SASH1: variants seen among roughly 807,000 people sequenced by gnomAD.
SASH1 encodes SAM and SH3 domain containing 1.
SASH1 carries 44 observed loss-of-function variants against 125.2 expected under a neutral mutation model. The ratio of observed to expected loss-of-function variants is 0.35; its 90% confidence interval spans 0.28 to 0.45. The LOEUF (loss-of-function observed/expected upper bound fraction) is 0.45, where lower values mean the gene tolerates loss of function less well. Among genes scored for constraint, SASH1 ranks in the 20% least tolerant of loss-of-function variants. The pLI is 1.00. For missense variants in SASH1, 1,426 were observed against 1,614.5 expected (o/e 0.88, Z 2.00); for synonymous variants, 639 against 649.1 (o/e 0.98, Z 0.24).
intron 1 of SASH1, among the ~76,000 whole-genome samples, chr6:148,381,796 G>A (rs1182897959): frequency 6.6e-6 from 1 of 150,720 alleles, no homozygotes; most frequent in African/African-American, 2.4e-5. Flanking sequence ...GCCCAGCTAA[G>A]TTTTGTAATT....
chr6:148,307,053 TTTCTTTCTTTC>T (rs2128516624), intron 1 of SASH1, among the ~76,000 whole-genome samples: 1 of 142,088 alleles, frequency 7.0e-6, no homozygotes, highest in Admixed American at 7.1e-5. Flanking sequence ...TCTTTCTTTC[TTTCTTTCTTTC>T]TTTCTTTCTT....
chr6:148,326,361 T>TATATACAC (rs1780819749), intron 1 of SASH1, among the ~76,000 whole-genome samples: 1 of 85,170 alleles, frequency 1.2e-5, no homozygotes, highest in Non-Finnish European at 2.4e-5. Context: ...TATATATGCA[T>TATATACAC]ATATATATAT....
the SASH1 span, among the ~76,000 whole-genome samples, chr6:148,227,431 C>T: frequency 3.3e-5 from 5 of 152,166 alleles, no homozygotes; most frequent in African/African-American, 1.2e-4. Flanking sequence ...AATCTCAGCT[C>T]ACTGCAACCT....
chr6:148,444,399 A>G (rs189344853), intron 4 of SASH1, among the ~76,000 whole-genome samples: 276 of 152,336 alleles, frequency 1.8e-3, no homozygotes, highest in African/African-American at 6.4e-3. Context: ...CATACCTGGC[A>G]TCTCAGCATC....
chr6:148,479,039 G>A (rs1432996781), intron 7 of SASH1: 1 of 145,992 alleles, frequency 6.8e-6, no homozygotes, highest in Non-Finnish European at 1.5e-5. Context: ...AGATGAGACT[G>A]CACTACTTTT....
At chr6:148,540,256 C>A (rs554519748) in intron 16 of SASH1, among the ~76,000 whole-genome samples, 187 bp from the exon 17 acceptor site, 1 of 152,124 alleles carries the variant, frequency 6.6e-6, no homozygotes, top group Non-Finnish European at 1.5e-5. Context: ...TATCTTCGTG[C>A]GATGAATACC....
In SASH1 at chr6:148,463,222, G is replaced by A. The variant is rs923989000; in HGVS notation, c.387-5323G>A. 3.3e-5 allele frequency among the ~76,000 whole-genome samples: 5 copies of A among 151,324 alleles called. No homozygotes were observed. In the South Asian group the frequency reaches 6.3e-4, roughly 19 times the overall value. ...TGCAGTGGCGCAATCTCGGCTCACC[G>A]CAACCTCCACCTCCTGGGTTCAAGT... is the stretch of plus-strand genomic sequence containing the variant. On this transcript the variant is annotated intron_variant, in intron 4 of 19. Transcript: ENST00000367467.
chr6:148,358,727 G>GGTTT lies in SASH1; in HGVS notation c.156+15504_156+15505insGTTT, dbSNP rs1239319632. 6.6e-4 allele frequency among the ~76,000 whole-genome samples: 65 copies of GGTTT among 98,770 alleles called. 1 individual carries two copies. Among genetic ancestry groups the GGTTT allele is most frequent in the Non-Finnish European group, 9.0e-4 (41 of 45,312 alleles). 64.8% of individuals were successfully genotyped at this position (98,770 alleles called of 152,430 possible). A position where few individuals can be genotyped will look rare whatever the true frequency, so the allele number is the denominator to read the frequency against. The stretch of plus-strand genomic sequence containing the variant: ...TTGGTTTCCTGTTTCCTAATGCCAT[G>GGTTT]TTTTTGTTTTTTTTTTTTTTTTTTT... On this transcript the variant is annotated intron_variant, in intron 1 of 19. Transcript: ENST00000367467.
At chr6:148,299,609 G>A (rs985230736) in intron 1 of SASH1, among the ~76,000 whole-genome samples, 1 of 149,756 alleles carries the variant, frequency 6.7e-6, no homozygotes, top group Non-Finnish European at 1.5e-5. Flanking sequence ...GGCGGTTGCA[G>A]TGAACCGAGA....
At chr6:148,401,273 G>A (rs1194554864) in intron 2 of SASH1, among the ~76,000 whole-genome samples, 4 of 150,304 alleles carry the variant, frequency 2.7e-5, no homozygotes, top group Non-Finnish European at 4.4e-5. Context: ...AAAAAAAATT[G>A]ATGCGGTCAC....
In SASH1 at chr6:148,399,214, C is replaced by CT. The variant is rs371374910; in HGVS notation, c.285+8978dup. ...AAATGTGCATCAACAATTTCAGCTT[C>CT]TTTTTTTTTTTTTTTTTTTTTTTTT... On this transcript the variant is annotated intron_variant, in intron 2 of 19. Coordinates refer to ENST00000367467, the MANE Select transcript of SASH1 (RefSeq NM_015278.5). Among the ~76,000 whole-genome samples, 742 of 106,612 alleles carry CT rather than the reference C, an allele frequency of 7.0e-3. 18 individuals are homozygous for CT. The highest frequency in any genetic ancestry group is 0.011 in the Middle Eastern group (2 of 190). The allele number at this position is 106,612 out of a possible 152,430, so 69.9% of individuals were successfully genotyped here.
upstream of SASH1, among the ~76,000 whole-genome samples, chr6:148,341,781 C>T (rs572964953): frequency 4.6e-4 from 69 of 151,370 alleles, no homozygotes; most frequent in Middle Eastern, 6.8e-3. Context: ...TTTTTTTTTC[C>T]TTTTAAACCA....
At chr6:148,377,747 C>T (rs1782970379) in intron 1 of SASH1, among the ~76,000 whole-genome samples, 1 of 152,170 alleles carries the variant, frequency 6.6e-6, no homozygotes, top group Non-Finnish European at 1.5e-5. Context: ...TTCTGTGCCA[C>T]TCATGTGATA....
At chr6:148,226,383 A>G in the SASH1 span, among the ~76,000 whole-genome samples, 1 of 152,228 alleles carries the variant, frequency 6.6e-6, no homozygotes, top group Non-Finnish European at 1.5e-5. Context: ...TAAATGTGAC[A>G]ATCATAAATG....
At chr6:148,513,396 C>T (rs9399655) in intron 8 of SASH1, 90,775 of 985,358 alleles carry the variant, frequency 0.092, 4,212 homozygotes, top group South Asian at 0.12. Flanking sequence ...GTTGCACACT[C>T]GTTTAGTCAG....
In SASH1 at chr6:148,529,084, A is replaced by T. The variant is rs9498059; in HGVS notation, c.1428+1488A>T. 0.05 allele frequency among the ~76,000 whole-genome samples: 7,616 copies of T among 152,208 alleles called. 252 individuals carry two copies. Among genetic ancestry groups the T allele is most frequent in the Non-Finnish European group, 0.077 (5,267 of 68,016 alleles). On this transcript the variant is annotated intron_variant, in intron 12 of 19. Coordinates refer to ENST00000367467, the MANE Select transcript of SASH1 (RefSeq NM_015278.5). The surrounding 1 kb of genome is among the most constrained non-coding windows in gnomAD (Gnocchi z 4.2). ...TGATCTGACAGGAGGTGGAGCTCAG[A>T]CAGTAATGCGGGTAATGGAGAGTGG...
intron 9 of SASH1, among the ~76,000 whole-genome samples, chr6:148,517,983 C>G (rs1780541016): frequency 6.6e-6 from 1 of 152,160 alleles, no homozygotes; most frequent in South Asian, 2.1e-4. Flanking sequence ...ATAGAGAAGT[C>G]CATGGTTGGG....
At chr6:148,261,389 GC>G in the SASH1 span, among the ~76,000 whole-genome samples, 2 of 152,088 alleles carry the variant, frequency 1.3e-5, no homozygotes, top group African/African-American at 4.8e-5. Context: ...TAAAACATGT[GC>G]CTCTCTCCCT....
rs556326747 is a variant in SASH1 at position 148,458,758 on chromosome 6, G to A, written c.387-9787G>A. Among the ~76,000 whole-genome samples the A allele has an allele frequency of 3.3e-5, 5 of 152,022 alleles. No individual in the cohort carries two copies. The South Asian group carries it at 8.3e-4, about 25-fold the overall frequency. On this transcript the variant is annotated intron_variant, in intron 4 of 19. Transcript: ENST00000367467. ...AGGTGGGAGAATTGCTTGAGGCCAGGACAAGACCAGCCTGGGCTACATAAT... is the reference window on the plus strand; with the variant it reads ...AGGTGGGAGAATTGCTTGAGGCCAGAACAAGACCAGCCTGGGCTACATAAT...
Sources: allele counts gnomAD v4.1 joint callset (sites outside exome capture counted in the v4.1 genomes callset), GRCh38; gene constraint gnomAD v4.1.1; non-coding constraint Gnocchi (gnomAD v3.1); transcripts MANE v1.5; gene names NCBI Gene and HGNC (gene_info 2026-07-23, HGNC 2026-07-21).